The following HEATR3 variants were observed in gnomAD, a reference collection of about 807,000 sequenced individuals.
HEATR3 encodes the protein HEAT repeat-containing protein 3.
A neutral mutation model predicts 72.8 loss-of-function variants in HEATR3; 56 were observed. The ratio of observed to expected loss-of-function variants is 0.77; its 90% CI spans 0.62 to 0.96. The LOEUF (loss-of-function observed/expected upper bound fraction) is 0.96, where lower values mean the gene tolerates loss of function less well. Among genes scored for constraint, HEATR3 ranks in the 40% least tolerant of loss-of-function variants. HEATR3 has a pLI of 0.00. For missense variants in HEATR3, 747 were observed against 831.4 expected (o/e 0.90, Z 1.25); for synonymous variants, 331 against 318.1 (o/e 1.04, Z -0.43).
intron 7 of HEATR3, among the ~76,000 whole-genome samples, chr16:50,083,732 G>A (rs1403115875): frequency 2.0e-5 from 3 of 152,052 alleles, no homozygotes; most frequent in African/African-American, 7.2e-5. Flanking sequence ...CCCAGTTAAC[G>A]GGGGCATGCT....
At position 50,102,359 on chromosome 16, in the gene HEATR3, A is replaced by C. The variant is rs757664885; in HGVS notation, c.1844A>C (p.Lys615Thr). 13 of 1,614,032 alleles carry C rather than the reference A, an allele frequency of 8.1e-6. No individual in the cohort carries two copies. The Admixed American group carries it at 1.5e-4, about 19-fold the overall frequency. Residue 615 changes from lysine (K) to threonine (T), a missense_variant, in exon 14 of 15, where the codon AAA (lysine) becomes ACA (threonine). Coordinates refer to ENST00000299192, the MANE Select transcript of HEATR3 (RefSeq NM_182922.4). Reference sequence around the variant, plus strand: ...CTCTTTGATGTTTTTGCAGATGGTAAAGAAGCCGAAAGAGCCTCGATTCAA... The same window carrying C: ...CTCTTTGATGTTTTTGCAGATGGTACAGAAGCCGAAAGAGCCTCGATTCAA... ...DALFDVFADG[K>T]EAERASIQIK...
intron 10 of HEATR3, 107 bp downstream of exon 10, chr16:50,084,758 TC>T (rs2036951283): frequency 3.9e-6 from 3 of 761,684 alleles, no homozygotes; most frequent in African/African-American, 1.8e-5. Context: ...GAAGTTTTGT[TC>T]CTGGGTATAT....
intron 12 of HEATR3, 134 bp from the exon 13 acceptor site, chr16:50,100,095 CT>C (rs869303365): frequency 4.5e-6 from 3 of 672,606 alleles, no homozygotes; most frequent in Non-Finnish European, 6.6e-6. Flanking sequence ...TTAATAGTAA[CT>C]TACCTGCCAG....
intron 12 of HEATR3, among the ~76,000 whole-genome samples, chr16:50,098,528 T>C (rs1403122522): frequency 6.6e-6 from 1 of 151,904 alleles, no homozygotes; most frequent in Non-Finnish European, 1.5e-5. Flanking sequence ...TGGTGGCGGG[T>C]GCCTGTAGTT....
At chr16:50,103,896 G>A (rs2150632109) in intron 14 of HEATR3, among the ~76,000 whole-genome samples, 1 of 152,116 alleles carries the variant, frequency 6.6e-6, no homozygotes, top group Middle Eastern at 3.4e-3. Flanking sequence ...ATTAAGTGGT[G>A]GCTCATGCCT....
chr16:50,076,252 C>G (rs72796144), intron 6 of HEATR3, among the ~76,000 whole-genome samples: 1 of 151,726 alleles, frequency 6.6e-6, no homozygotes, highest in East Asian at 1.9e-4. Context: ...GGCTGGAGTG[C>G]GGTGGCTGGC....
At position 50,084,380 on chromosome 16, in the gene HEATR3, A is replaced by G. The variant is rs1247624719; in HGVS notation, c.1290+89A>G. 5 of 1,455,856 alleles carry G rather than the reference A, an allele frequency of 3.4e-6. No individual in the cohort carries two copies. The Admixed American group carries it at 6.1e-5, about 18-fold the overall frequency. 90.2% of individuals were successfully genotyped at this position (1,455,856 alleles called of 1,614,324 possible). A position where few individuals can be genotyped will look rare whatever the true frequency, so the allele number is the denominator to read the frequency against. ...TTGTGTACAAAAGAAGCAAGCTCAC[A>G]CTTCCAGGTTGTAGATGGTGGTAAG... is the stretch of plus-strand genomic sequence containing the variant. On this transcript the variant is annotated intron_variant, in intron 9 of 14. Transcript: ENST00000299192.
rs760093703 is a variant in HEATR3 at position 50,072,194 on chromosome 16, C to T, written c.513-411C>T. Among the ~76,000 whole-genome samples the T allele has an allele frequency of 8.2e-4, 125 of 152,094 alleles. 2 individuals carry two copies. The highest frequency in any genetic ancestry group is 2.2e-4 in the Non-Finnish European group (15 of 68,034). On this transcript the variant is annotated intron_variant, in intron 4 of 14. Transcript: ENST00000299192. ...TATGGAGGAAAGAAAAAACAGTAGCCTGGACCCAGGGAACCTAGGTACTGG... is the reference window on the plus strand; with the variant it reads ...TATGGAGGAAAGAAAAAACAGTAGCTTGGACCCAGGGAACCTAGGTACTGG...
intron 11 of HEATR3, among the ~76,000 whole-genome samples, chr16:50,093,228 A>T (rs1014899251): frequency 6.6e-6 from 1 of 152,220 alleles, no homozygotes; most frequent in Non-Finnish European, 1.5e-5. Context: ...GAATGGTATA[A>T]GTCCCAGGAA....
chr16:50,100,212 CCTCTT>C lies in HEATR3; in HGVS notation c.1600-12_1600-8del, dbSNP rs545012877. On this transcript the variant is annotated splice_polypyrimidine_tract_variant and intron_variant, in intron 12 of 14. Coordinates refer to ENST00000299192, the MANE Select transcript of HEATR3 (RefSeq NM_182922.4). ...TTGAGTTTAACATTATAAATACTGT[CCTCTT>C]CTCTTTTAACAGTGCATGACTCCTG... 370 of 1,606,790 alleles carry C rather than the reference CCTCTT, an allele frequency of 2.3e-4. 2 individuals are homozygous for C. Among genetic ancestry groups the C allele is most frequent in the South Asian group, 5.3e-4 (48 of 89,728 alleles).
chr16:50,076,753 G>A (rs927391593), intron 6 of HEATR3, among the ~76,000 whole-genome samples: 10 of 148,940 alleles, frequency 6.7e-5, no homozygotes, highest in Admixed American at 4.8e-4. Context: ...AGGCTGGAAC[G>A]CAGTGGTGCG....
Position 50,106,893 on chromosome 16 carries a change from A to C in HEATR3, c.*1832A>C, listed in dbSNP as rs1201851464. ...CTAAGAGTTCCTAGCCCATGGCACC[A>C]AGTAAAATAACCCAAATTGTGTATA... is the stretch of plus-strand genomic sequence containing the variant. On this transcript the variant is annotated 3_prime_UTR_variant, in exon 15 of 15. Transcript: ENST00000299192. 6.6e-6 allele frequency among the ~76,000 whole-genome samples: 1 copy of C among 152,200 alleles called. No homozygotes were observed. The highest frequency in any genetic ancestry group is 2.4e-5 in the African/African-American group (1 of 41,452).
chr16:50,094,826 G>C, intron 12 of HEATR3, 33 bp downstream of exon 12: 9 of 1,380,304 alleles, frequency 6.5e-6, no homozygotes, highest in Non-Finnish European at 8.1e-6. Context: ...TATGAAACTT[G>C]TAAAGATTGT....
intron 2 of HEATR3, among the ~76,000 whole-genome samples, chr16:50,067,304 A>G (rs971131063): frequency 7.9e-5 from 12 of 151,948 alleles, no homozygotes; most frequent in African/African-American, 2.4e-4. Context: ...GCAGTGAGCT[A>G]TGATCACACC....
intron 6 of HEATR3, among the ~76,000 whole-genome samples, chr16:50,076,739 AC>A (rs56189455): frequency 0.62 from 93,299 of 149,928 alleles, 30,637 homozygotes; most frequent in South Asian, 0.72. Flanking sequence ...TTGCTCTGTC[AC>A]CCAGGCTGGA....
At chr16:50,092,436 C>CTTTTTTCTTT (rs55971965) in intron 11 of HEATR3, among the ~76,000 whole-genome samples, 6 of 106,030 alleles carry the variant, frequency 5.7e-5, no homozygotes, top group Admixed American at 1.3e-4. Flanking sequence ...TTTCTTTTTT[C>CTTTTTTCTTT]TTTTTTTTTT....
In HEATR3 at chr16:50,100,079, T is replaced by C. The variant is rs1179471036; in HGVS notation, c.1600-151T>C. The C allele has an allele frequency of 2.0e-5, 12 of 601,956 alleles. 1 individual carries two copies. In the Admixed American group the frequency reaches 4.5e-4, roughly 23 times the overall value. 37.3% of individuals were successfully genotyped at this position (601,956 alleles called of 1,614,324 possible). A position where few individuals can be genotyped will look rare whatever the true frequency, so the allele number is the denominator to read the frequency against. On this transcript the variant is annotated intron_variant, in intron 12 of 14. Coordinates refer to ENST00000299192, the MANE Select transcript of HEATR3 (RefSeq NM_182922.4). ...CCAGCTCTGTCTGGGAGAACTGGAATACATATTAATAGTAACTTACCTGCC... is the reference window on the plus strand; with the variant it reads ...CCAGCTCTGTCTGGGAGAACTGGAACACATATTAATAGTAACTTACCTGCC...
intron 14 of HEATR3, among the ~76,000 whole-genome samples, chr16:50,102,862 A>G (rs1385670218): frequency 2.0e-5 from 3 of 152,068 alleles, no homozygotes; most frequent in Non-Finnish European, 4.4e-5. Flanking sequence ...TCCCCAGTTC[A>G]AGTGATTCTT....
intron 11 of HEATR3, among the ~76,000 whole-genome samples, chr16:50,089,954 C>T (rs369013592): frequency 1.6e-4 from 24 of 152,266 alleles, no homozygotes; most frequent in African/African-American, 5.8e-4. Flanking sequence ...CATGAGCCAC[C>T]GTGCCCGTCC....
Sources: gnomAD v4.1 joint callset for allele counts (sites outside exome capture counted in the v4.1 genomes callset) on GRCh38, gnomAD v4.1.1 for gene constraint, MANE v1.5 for transcripts, NCBI Gene and HGNC (gene_info 2026-07-23, HGNC 2026-07-21) for gene names.